Variants in C8orf76 observed in about 807,000 individuals in gnomAD.
C8orf76 encodes the protein uncharacterized protein C8orf76.
A neutral mutation model predicts 38.1 loss-of-function variants in C8orf76; 46 were observed. The observed-to-expected ratio is 1.21, with a 90% CI of 0.95 to 1.54. The LOEUF (loss-of-function observed/expected upper bound fraction) is 1.54, where lower values mean the gene tolerates loss of function less well. Among genes scored for constraint, C8orf76 ranks in the 40% most tolerant of loss-of-function variants. The pLI, the probability that C8orf76 is intolerant of heterozygous loss-of-function variation, is 0.00. For missense variants in C8orf76, 461 were observed against 441.6 expected, an observed-to-expected ratio of 1.04 and a Z score of -0.39; for synonymous variants, 166 against 167.5, an observed-to-expected ratio of 0.99 and a Z score of 0.07.
chr8:123,227,925 C>T (rs894295488), intron 4 of C8orf76, among the ~76,000 whole-genome samples: 1 of 152,192 alleles, frequency 6.6e-6, no homozygotes, highest in East Asian at 1.9e-4. Flanking sequence ...GGGAAGCATT[C>T]ACCTTCGTTA....
In C8orf76 at chr8:123,231,484, C is replaced by CT; in HGVS notation, c.630dup (p.Asp211ArgfsTer8). On this transcript the variant is annotated frameshift_variant, in exon 4 of 6. Transcript: ENST00000276704. LOFTEE classifies it high-confidence loss of function. ...GTTTCAGGAAAACACAAAAGACAGTCTTTTCCTGAGTGTGGAAAGAAGGAT... is the reference window on the plus strand; with the variant it reads ...GTTTCAGGAAAACACAAAAGACAGTCTTTTTCCTGAGTGTGGAAAGAAGGAT... The CT allele has an allele frequency of 6.2e-7, 1 of 1,614,212 alleles. No individual in the cohort carries two copies. Among genetic ancestry groups the CT allele is most frequent in the Non-Finnish European group, 8.5e-7 (1 of 1,180,042 alleles).
intron 4 of C8orf76, among the ~76,000 whole-genome samples, chr8:123,228,233 GTCAGGCCCTCA>G (rs1378149507): frequency 2.6e-5 from 4 of 152,004 alleles, no homozygotes; most frequent in African/African-American, 9.7e-5. Context: ...ACCAGCCTAG[GTCAGGCCCTCA>G]TCATCTTCCA....
chr8:123,222,146 G>C (rs1304926271), intron 5 of C8orf76, among the ~76,000 whole-genome samples: 3 of 152,082 alleles, frequency 2.0e-5, no homozygotes, highest in Admixed American at 2.0e-4. Flanking sequence ...GCGCCACCAG[G>C]CCTGGCTAAT....
rs532442097 is a variant in C8orf76 at position 123,221,088 on chromosome 8, GT to G, written c.949-792del. 4.6e-5 allele frequency among the ~76,000 whole-genome samples: 7 copies of G among 152,310 alleles called. 1 individual carries two copies. In the South Asian group the frequency reaches 1.5e-3, roughly 32 times the overall value. ...GTTCCTGCAAACCCGGATATTGAAT[GT>G]GTTCATGAAAACTCAAATTATAATG... On this transcript the variant is annotated intron_variant, in intron 5 of 5. Transcript: ENST00000276704.
chr8:123,221,375 G>A (rs1431891926), intron 5 of C8orf76, among the ~76,000 whole-genome samples: 3 of 152,220 alleles, frequency 2.0e-5, no homozygotes, highest in African/African-American at 2.4e-5. Context: ...CAGGATGGTC[G>A]CTTAAGGCCA....
At chr8:123,220,850 GTTTC>G (rs1221199097) in intron 5 of C8orf76, among the ~76,000 whole-genome samples, 1 of 152,202 alleles carries the variant, frequency 6.6e-6, no homozygotes, top group African/African-American at 2.4e-5. Flanking sequence ...TTCTGGGTTA[GTTTC>G]TTTGAGAAGA....
chr8:123,231,800 C>A (rs2131148762), intron 3 of C8orf76, 43 bp from the exon 4 acceptor site: 1 of 1,517,008 alleles, frequency 6.6e-7, no homozygotes, highest in Non-Finnish European at 8.7e-7. Context: ...AACTTCAAAG[C>A]ATTTTCCATA....
chr8:123,226,414 T>C lies in C8orf76; in HGVS notation c.948+86A>G, dbSNP rs371521088. ...GACAAGTCCTTCAGTAGATTAAATT[T>C]GGCCCTGCTTTATAAAAAATGCTAT... On this transcript the variant is annotated intron_variant, in intron 5 of 5. Coordinates refer to ENST00000276704, the MANE Select transcript of C8orf76 (RefSeq NM_032847.3). 76 of 1,561,690 alleles carry C rather than the reference T, an allele frequency of 4.9e-5. No homozygotes were observed. In the African/African-American group the frequency reaches 8.1e-4, roughly 17 times the overall value.
At chr8:123,233,750 C>T (rs1238380451) in intron 3 of C8orf76, among the ~76,000 whole-genome samples, 5 of 150,160 alleles carry the variant, frequency 3.3e-5, no homozygotes, top group African/African-American at 4.9e-5. Context: ...CTATTTAGGC[C>T]GGGCGTGGTG....
chr8:123,225,153 C>G (rs752101653), intron 5 of C8orf76, among the ~76,000 whole-genome samples: 10 of 152,098 alleles, frequency 6.6e-5, no homozygotes, highest in Non-Finnish European at 1.3e-4. Flanking sequence ...TTACAGGTGC[C>G]TGCCACCTCA....
At chr8:123,237,351 TTAAAAA>T (rs1207993268) in intron 3 of C8orf76, among the ~76,000 whole-genome samples, 1 of 152,136 alleles carries the variant, frequency 6.6e-6, no homozygotes, top group African/African-American at 2.4e-5. Flanking sequence ...CAAATTCCAC[TTAAAAA>T]TAAAAAGGAC....
chr8:123,224,051 C>T (rs750739137), intron 5 of C8orf76, among the ~76,000 whole-genome samples: 10 of 151,710 alleles, frequency 6.6e-5, no homozygotes, highest in Non-Finnish European at 1.3e-4. Context: ...ACACTGTATA[C>T]GTACTTAATA....
At chr8:123,239,026 A>C (rs775223009) in intron 2 of C8orf76, 23 bp downstream of exon 2, 1 of 1,612,414 alleles carries the variant, frequency 6.2e-7, no homozygotes, top group Non-Finnish European at 8.5e-7. Flanking sequence ...AGCCCACTTC[A>C]AGCACCATAT....
rs957284927 is a variant in C8orf76, at chr8:123,241,211, A to G, written c.117+19T>C. 7.0e-6 allele frequency: 11 copies of G among 1,575,664 alleles called. No homozygotes were observed. The highest frequency in any genetic ancestry group is 9.4e-6 in the Non-Finnish European group (11 of 1,166,178). Reference sequence around the variant, plus strand: ...AGGCCTGGGGCCCGGGATAAGGCGAAGAGGCCCCAGCTTCTCACCTGCGGC... The same window carrying G: ...AGGCCTGGGGCCCGGGATAAGGCGAGGAGGCCCCAGCTTCTCACCTGCGGC... On this transcript the variant is annotated intron_variant, in intron 1 of 5. Transcript: ENST00000276704.
At chr8:123,229,231 G>C (rs553246308) in intron 4 of C8orf76, among the ~76,000 whole-genome samples, 1 of 152,220 alleles carries the variant, frequency 6.6e-6, no homozygotes, top group Non-Finnish European at 1.5e-5. Context: ...AAGATAAGCT[G>C]AAAGAATACA....
chr8:123,233,220 T>C (rs1825341234), intron 3 of C8orf76, among the ~76,000 whole-genome samples: 1 of 151,946 alleles, frequency 6.6e-6, no homozygotes, highest in South Asian at 2.1e-4. Context: ...GGTTTTGCCA[T>C]GTTGGCCAGG....
chr8:123,239,366 ACAT>A, intron 1 of C8orf76: 1 of 428,278 alleles, frequency 2.3e-6, no homozygotes, highest in South Asian at 2.9e-5. Context: ...CACCCAGCCC[ACAT>A]TGGTTCTTTA....
At chr8:123,225,224 C>A (rs1291583330) in intron 5 of C8orf76, among the ~76,000 whole-genome samples, 1 of 152,174 alleles carries the variant, frequency 6.6e-6, no homozygotes, top group Non-Finnish European at 1.5e-5. Context: ...CCAGGCTGGT[C>A]TTGAGCTCCT....
rs77630260 is a variant in C8orf76, at chr8:123,231,228, G to A, written c.815+72C>T. On this transcript the variant is annotated intron_variant, in intron 4 of 5. Transcript: ENST00000276704. ...AATGTCTAGCCTAGAACTTTTTGAA[G>A]CTTAAAATTAGAAAATAAAGCCTTT... 2,541 of 1,498,188 alleles carry A rather than the reference G, an allele frequency of 1.7e-3. 2 individuals carry two copies. Among genetic ancestry groups the A allele is most frequent in the Non-Finnish European group, 2.1e-3 (2,391 of 1,126,692 alleles). 92.8% of individuals were successfully genotyped at this position (1,498,188 alleles called of 1,614,324 possible). A position where few individuals can be genotyped will look rare whatever the true frequency, so the allele number is the denominator to read the frequency against.
Sources: allele counts gnomAD v4.1 joint callset (sites outside exome capture counted in the v4.1 genomes callset), GRCh38; gene constraint gnomAD v4.1.1; transcripts MANE v1.5; gene names NCBI Gene and HGNC (gene_info 2026-07-23, HGNC 2026-07-21).